Variants in SSBP2 observed in about 807,000 individuals in gnomAD.
SSBP2 encodes single stranded DNA binding protein 2.
In SSBP2, 17 loss-of-function variants were observed where a neutral mutation model predicts 61.8. The observed-to-expected ratio is 0.28, with a 90% CI of 0.19 to 0.41. The LOEUF is 0.41. Ranked by LOEUF, SSBP2 falls within the 10% of genes least tolerant of loss-of-function variation. The pLI, the probability that SSBP2 is intolerant of heterozygous loss-of-function variation, is 1.00. For missense variants in SSBP2, 310 were observed against 458.7 expected, an observed-to-expected ratio of 0.68 and a Z score of 2.96; for synonymous variants, 139 against 141.3, an observed-to-expected ratio of 0.98 and a Z score of 0.12.
At chr5:81,613,783 A>G (rs1332705105) in intron 4 of SSBP2, among the ~76,000 whole-genome samples, 3 of 152,206 alleles carry the variant, frequency 2.0e-5, no homozygotes, top group Admixed American at 1.3e-4. Flanking sequence ...GAGATGGGGT[A>G]CCCCACTCTA....
At chr5:81,730,727 T>C (rs889973682) in intron 1 of SSBP2, among the ~76,000 whole-genome samples, 7 of 152,174 alleles carry the variant, frequency 4.6e-5, no homozygotes, top group Non-Finnish European at 8.8e-5. Context: ...AAATACAATC[T>C]GGTAGAAAGG....
intron 1 of SSBP2, among the ~76,000 whole-genome samples, chr5:81,731,200 G>A (rs752302894): frequency 3.3e-5 from 5 of 152,166 alleles, no homozygotes; most frequent in Non-Finnish European, 7.4e-5. Flanking sequence ...GGGACAGAAA[G>A]ATGAGAATGA....
At chr5:81,744,222 GT>G (rs1757212457) in intron 1 of SSBP2, among the ~76,000 whole-genome samples, 1 of 152,058 alleles carries the variant, frequency 6.6e-6, no homozygotes, top group Admixed American at 6.6e-5. Context: ...TTAGGATTTT[GT>G]TATTTTACAA....
chr5:81,730,309 C>A (rs1756174109), intron 1 of SSBP2, among the ~76,000 whole-genome samples: 1 of 152,204 alleles, frequency 6.6e-6, no homozygotes, highest in Non-Finnish European at 1.5e-5. Context: ...ACTGCAACCT[C>A]CACCTCCTGG....
intron 1 of SSBP2, among the ~76,000 whole-genome samples, chr5:81,679,550 T>C (rs187957415): frequency 6.6e-6 from 1 of 152,306 alleles, no homozygotes. Context: ...AAAATGTATA[T>C]TTCAAACTTC....
chr5:81,661,283 C>A (rs1319778695), intron 1 of SSBP2, among the ~76,000 whole-genome samples: 1 of 152,138 alleles, frequency 6.6e-6, no homozygotes, highest in African/African-American at 2.4e-5. Context: ...GATTCCATAT[C>A]TTGTCTATTG....
intron 5 of SSBP2, among the ~76,000 whole-genome samples, chr5:81,506,487 TATCTAAG>T (rs1224091864): frequency 2.6e-5 from 4 of 152,200 alleles, no homozygotes. Flanking sequence ...TTGGTTCATT[TATCTAAG>T]ATCTAAGATG....
Position 81,600,577 on chromosome 5 carries a change from A to AC in SSBP2, c.282+14895_282+14896insG, listed in dbSNP as rs554156410. On this transcript the variant is annotated intron_variant, in intron 4 of 16. Transcript: ENST00000320672. Reference sequence around the variant, plus strand: ...ACTCTGTCTCAAAAAAAAAAAAAAAAAAACAAAAACCAGAAAGAAAAGAAA... The same window carrying AC: ...ACTCTGTCTCAAAAAAAAAAAAAAAACAAACAAAAACCAGAAAGAAAAGAAA... Among the ~76,000 whole-genome samples, 38 of 151,130 alleles carry AC rather than the reference A, an allele frequency of 2.5e-4. 3 individuals carry two copies. In the East Asian group the frequency reaches 7.4e-3, roughly 29 times the overall value.
rs1761267746 is a variant in SSBP2 at position 81,415,428 on chromosome 5, C to A, written c.*5076G>T. 2.6e-5 allele frequency: 4 copies of A among 152,034 alleles called. No homozygotes were observed. Among genetic ancestry groups the A allele is most frequent in the Admixed American group, 2.0e-4 (3 of 15,272 alleles). 9.4% of individuals were successfully genotyped at this position (152,034 alleles called of 1,614,324 possible). ...CAAATCATCTCGTTTACTTATAATA[C>A]CTAATACAATGTATTATAAATGCCA... On this transcript the variant is annotated 3_prime_UTR_variant, in exon 17 of 17. Transcript: ENST00000320672.
intron 1 of SSBP2, among the ~76,000 whole-genome samples, chr5:81,731,778 G>A (rs949529845): frequency 6.6e-6 from 1 of 151,470 alleles, no homozygotes; most frequent in Non-Finnish European, 1.5e-5. Context: ...ATATGATGGT[G>A]ATAAGATAAA....
rs778406555 is a variant in SSBP2, at chr5:81,667,916, G to A, written c.63-17577C>T. Among the ~76,000 whole-genome samples, 23 of 151,990 alleles carry A rather than the reference G, an allele frequency of 1.5e-4. 1 individual carries two copies. The highest frequency in any genetic ancestry group is 1.2e-3 in the Admixed American group (18 of 15,236). ...AAGTAGGATCAATGGAAAGAGAAACGGTTGACTTATAGAATTCAACTGATG... is the reference window on the plus strand; with the variant it reads ...AAGTAGGATCAATGGAAAGAGAAACAGTTGACTTATAGAATTCAACTGATG... On this transcript the variant is annotated intron_variant, in intron 1 of 16. Coordinates refer to ENST00000320672, the MANE Select transcript of SSBP2 (RefSeq NM_012446.5).
intron 16 of SSBP2, among the ~76,000 whole-genome samples, chr5:81,422,948 C>T (rs1761704331): frequency 6.6e-6 from 1 of 152,210 alleles, no homozygotes; most frequent in African/African-American, 2.4e-5. Flanking sequence ...CCACGTCTCA[C>T]ATTATAAACA....
At chr5:81,529,954 T>G (rs1190417727) in intron 4 of SSBP2, among the ~76,000 whole-genome samples, 1 of 151,986 alleles carries the variant, frequency 6.6e-6, no homozygotes, top group Non-Finnish European at 1.5e-5. Context: ...AAGGGAAAAT[T>G]GAAGGCAGAG....
At chr5:81,584,636 C>A (rs974621096) in intron 4 of SSBP2, among the ~76,000 whole-genome samples, 1 of 151,992 alleles carries the variant, frequency 6.6e-6, no homozygotes, top group Non-Finnish European at 1.5e-5. Context: ...AAGCCCAGCA[C>A]GGATATAAAT....
intron 1 of SSBP2, among the ~76,000 whole-genome samples, chr5:81,699,146 G>C (rs1753790939): frequency 6.6e-6 from 1 of 152,234 alleles, no homozygotes. Context: ...AAATGCTAAT[G>C]ATCATCTGCG....
chr5:81,614,472 T>C lies in SSBP2; in HGVS notation c.282+1001A>G, dbSNP rs1581170172. Among the ~76,000 whole-genome samples, 6 of 152,234 alleles carry C rather than the reference T, an allele frequency of 3.9e-5. 1 individual carries two copies. The South Asian group carries it at 1.2e-3, about 32-fold the overall frequency. ...CATGCTATTTTGGAGGGTATAATTCTTCTGGCCATTTCTAACTCTTCAGTC... is the reference window on the plus strand; with the variant it reads ...CATGCTATTTTGGAGGGTATAATTCCTCTGGCCATTTCTAACTCTTCAGTC... On this transcript the variant is annotated intron_variant, in intron 4 of 16. Transcript: ENST00000320672.
chr5:81,428,537 A>G (rs1363498565), intron 16 of SSBP2, 48 bp downstream of exon 16: 9 of 1,431,376 alleles, frequency 6.3e-6, no homozygotes, highest in Non-Finnish European at 8.8e-6. Flanking sequence ...CTAGCAGAAG[A>G]GCTTCAGAAA....
At chr5:81,624,566 T>C (rs1370978872) in intron 3 of SSBP2, among the ~76,000 whole-genome samples, 1 of 152,208 alleles carries the variant, frequency 6.6e-6, no homozygotes, top group African/African-American at 2.4e-5. Flanking sequence ...TTTTAGATTT[T>C]GGATCTCAGG....
At chr5:81,440,017 A>G (rs1271333937) in intron 14 of SSBP2, among the ~76,000 whole-genome samples, 1 of 152,132 alleles carries the variant, frequency 6.6e-6, no homozygotes, top group East Asian at 1.9e-4. Context: ...GGTCTTTATC[A>G]CGAAGACAAT....
Sources: allele counts gnomAD v4.1 joint callset (sites outside exome capture counted in the v4.1 genomes callset), GRCh38; gene constraint gnomAD v4.1.1; transcripts MANE v1.5; gene names NCBI Gene and HGNC (gene_info 2026-07-23, HGNC 2026-07-21).